Variants in INPP1 observed in about 807,000 individuals in gnomAD.
INPP1 encodes inositol polyphosphate-1-phosphatase.
INPP1 carries 18 observed loss-of-function variants against 23.0 expected under a neutral mutation model. The ratio of observed to expected loss-of-function variants is 0.78; its 90% CI spans 0.54 to 1.16. The LOEUF is 1.16. Among genes scored for constraint, INPP1 ranks in the 50% most tolerant of loss-of-function variants. INPP1 has a pLI of 0.00. For synonymous variants in INPP1, 164 were observed against 176.3 expected (o/e 0.93, Z 0.55); for missense variants, 448 against 482.1 (o/e 0.93, Z 0.66).
chr2:190,356,628 C>A lies in INPP1; in HGVS notation c.-64-3411C>A, dbSNP rs1438853937. ...GAGCTTGTAGCCAGGGTGATTAGCT[C>A]GCCTGAGTGTTATTAGGGTGTTATA... is the stretch of plus-strand genomic sequence containing the variant. On this transcript the variant is annotated intron_variant, in intron 2 of 6. Coordinates refer to ENST00000392329, the MANE Select transcript of INPP1 (RefSeq NM_001128928.2). This position sits in a 1 kb window ranked among gnomAD's most constrained non-coding sequence, Gnocchi z 6.4. The A allele has an allele frequency of 6.6e-6, 1 of 152,010 alleles. No homozygotes were observed. The highest frequency in any genetic ancestry group is 2.4e-5 in the African/African-American group (1 of 41,368). 9.4% of individuals were successfully genotyped at this position (152,010 alleles called of 1,614,324 possible).
rs1247511153 is a variant in INPP1, at chr2:190,356,156, C to T, written c.-64-3883C>T. The stretch of plus-strand genomic sequence containing the variant: ...AACTGAGTTGAGGATACATGGAGAG[C>T]CAGGGCCTTGGAGAAAGGGAAGTAG... On this transcript the variant is annotated intron_variant, in intron 2 of 6. Transcript: ENST00000392329. The surrounding 1 kb of genome is among the most constrained non-coding windows in gnomAD (Gnocchi z 6.4). Among the ~76,000 whole-genome samples, 8 of 152,084 alleles carry T rather than the reference C, an allele frequency of 5.3e-5. No homozygotes were observed. Among genetic ancestry groups the T allele is most frequent in the Non-Finnish European group, 8.8e-5 (6 of 68,034 alleles).
Position 190,370,659 on chromosome 2 carries a change from G to T in INPP1, c.642-185G>T, listed in dbSNP as rs114861998. Reference sequence around the variant, plus strand: ...TCTAATTGCAACAACTCAGGCAGCTGCATGCATATAAGTAACTTTCTGAAA... The same window carrying T: ...TCTAATTGCAACAACTCAGGCAGCTTCATGCATATAAGTAACTTTCTGAAA... On this transcript the variant is annotated intron_variant, in intron 6 of 6. Transcript: ENST00000392329. Among the ~76,000 whole-genome samples the T allele has an allele frequency of 7.0e-3, 1,067 of 152,296 alleles. 15 individuals carry two copies. Among genetic ancestry groups the T allele is most frequent in the African/African-American group, 0.022 (930 of 41,548 alleles).
In INPP1 at chr2:190,354,204, A is replaced by G. The variant is rs1333687559; in HGVS notation, c.-65+5173A>G. Among the ~76,000 whole-genome samples, 1 of 152,204 alleles carries G rather than the reference A, an allele frequency of 6.6e-6. No homozygotes were observed. Among genetic ancestry groups the G allele is most frequent in the East Asian group, 1.9e-4 (1 of 5,202 alleles). ...AAGCGAATAGCTTTTAGTGGGAACG[A>G]CTGCCTCACAGATGTTTCTTATTGA... On this transcript the variant is annotated intron_variant, in intron 2 of 6. Coordinates refer to ENST00000392329, the MANE Select transcript of INPP1 (RefSeq NM_001128928.2). This position sits in a 1 kb window ranked among gnomAD's most constrained non-coding sequence, Gnocchi z 4.8.
chr2:190,357,754 A>G (rs1689444945), intron 2 of INPP1, among the ~76,000 whole-genome samples: 2 of 152,204 alleles, frequency 1.3e-5, no homozygotes, highest in South Asian at 4.1e-4. Flanking sequence ...ATTTTTGTCA[A>G]ATTGCCCTCT....
rs969190392 is a variant in INPP1, at chr2:190,356,463, T to G, written c.-64-3576T>G. The G allele has an allele frequency of 6.6e-6, 1 of 152,018 alleles. No individual in the cohort carries two copies. Among genetic ancestry groups the G allele is most frequent in the African/African-American group, 2.4e-5 (1 of 41,390 alleles). 9.4% of individuals were successfully genotyped at this position (152,018 alleles called of 1,614,324 possible). On this transcript the variant is annotated intron_variant, in intron 2 of 6. Transcript: ENST00000392329. This position sits in a 1 kb window ranked among gnomAD's most constrained non-coding sequence, Gnocchi z 6.4. ...CTAAGCAGCAACTGCTCAGGTCAGG[T>G]GAGAGTGGTCATTATTGAGGAAATA...
Position 190,345,378 on chromosome 2 carries a change from A to G in INPP1, c.-209+1417A>G, listed in dbSNP as rs1229584653. 6.6e-6 allele frequency: 1 copy of G among 152,210 alleles called. No individual in the cohort carries two copies. Among genetic ancestry groups the G allele is most frequent in the Non-Finnish European group, 1.5e-5 (1 of 68,036 alleles). 9.4% of individuals were successfully genotyped at this position (152,210 alleles called of 1,614,324 possible). Reference sequence around the variant, plus strand: ...ATAGTCCTGAAAAAAATGAAAAGATAATTTCTTGTTTGACATAGAAGGCCT... The same window carrying G: ...ATAGTCCTGAAAAAAATGAAAAGATGATTTCTTGTTTGACATAGAAGGCCT... On this transcript the variant is annotated intron_variant, in intron 1 of 6. Transcript: ENST00000392329. The surrounding 1 kb of genome is among the most constrained non-coding windows in gnomAD (Gnocchi z 4.9).
intron 2 of INPP1, among the ~76,000 whole-genome samples, chr2:190,350,189 A>T (rs1689298955): frequency 6.6e-6 from 1 of 152,250 alleles, no homozygotes; most frequent in African/African-American, 2.4e-5. Context: ...CACAATTTTC[A>T]GATGAGTTCT....
Position 190,354,324 on chromosome 2 carries a change from C to A in INPP1, c.-65+5293C>A, listed in dbSNP as rs947658313. Among the ~76,000 whole-genome samples, 2 of 152,148 alleles carry A rather than the reference C, an allele frequency of 1.3e-5. No homozygotes were observed. Among genetic ancestry groups the A allele is most frequent in the Non-Finnish European group, 2.9e-5 (2 of 68,032 alleles). On this transcript the variant is annotated intron_variant, in intron 2 of 6. Transcript: ENST00000392329. This position sits in a 1 kb window ranked among gnomAD's most constrained non-coding sequence, Gnocchi z 4.8. The stretch of plus-strand genomic sequence containing the variant: ...GATTGTGTCAGCTAATAGATTGGGT[C>A]GCTAAGGTAACCACGGCCTGTCTTT...
At chr2:190,347,329 A>G (rs116955445) in intron 1 of INPP1, among the ~76,000 whole-genome samples, 25 of 152,052 alleles carry the variant, frequency 1.6e-4, no homozygotes, top group African/African-American at 5.8e-4. Context: ...GTAGCTTTTT[A>G]AAAAATGACT....
rs778978058 is a variant in INPP1, at chr2:190,366,807, T to C, written c.378T>C (p.His126=). ...VASEALARVV[H]QDVAFTDPTL... is the part of the protein sequence containing the mutation. Reference sequence around the variant, plus strand: ...CTGAAGCATTAGCCAGGGTTGTTCATCAGGATGTTGCCTTTACTGACCCAA... The same window carrying C: ...CTGAAGCATTAGCCAGGGTTGTTCACCAGGATGTTGCCTTTACTGACCCAA... Residue 126 remains histidine, a synonymous_variant, in exon 5 of 7, where the codon CAT becomes CAC. Transcript: ENST00000392329. The C allele has an allele frequency of 6.2e-7, 1 of 1,613,878 alleles. No homozygotes were observed. Among genetic ancestry groups the C allele is most frequent in the East Asian group, 2.2e-5 (1 of 44,890 alleles).
At position 190,345,179 on chromosome 2, in the gene INPP1, C is replaced by T. The variant is rs1409402382; in HGVS notation, c.-209+1218C>T. Among the ~76,000 whole-genome samples, 1 of 152,148 alleles carries T rather than the reference C, an allele frequency of 6.6e-6. No individual in the cohort carries two copies. The highest frequency in any genetic ancestry group is 1.9e-4 in the East Asian group (1 of 5,198). ...ATACTACTTTTGAAGTCAGCTTAGT[C>T]ATGAAGAGAATTATGTCAAATACAT... On this transcript the variant is annotated intron_variant, in intron 1 of 6. Transcript: ENST00000392329. The surrounding 1 kb of genome is among the most constrained non-coding windows in gnomAD (Gnocchi z 4.9).
In INPP1 at chr2:190,349,036, G is replaced by A. The variant is rs1349043688; in HGVS notation, c.-65+5G>A. The A allele has an allele frequency of 6.6e-6, 1 of 152,212 alleles. No individual in the cohort carries two copies. Among genetic ancestry groups the A allele is most frequent in the Non-Finnish European group, 1.5e-5 (1 of 68,048 alleles). 9.4% of individuals were successfully genotyped at this position (152,212 alleles called of 1,614,324 possible). ...GGCCCATCCAGACAATAAACAGTAA[G>A]TGTTAAAGGAGTTGGTGTCTCCAAT... On this transcript the variant is annotated splice_donor_5th_base_variant and intron_variant, in intron 2 of 6. Transcript: ENST00000392329.
chr2:190,347,254 A>G (rs1201129405), intron 1 of INPP1, among the ~76,000 whole-genome samples: 1 of 151,586 alleles, frequency 6.6e-6, no homozygotes, highest in Non-Finnish European at 1.5e-5. Context: ...CTCGTGATCC[A>G]CCCGCCTTGG....
chr2:190,366,416 TCTGTCTCACTCTGTCTCA>T (rs1689673043), intron 4 of INPP1, among the ~76,000 whole-genome samples: 1 of 24,662 alleles, frequency 4.1e-5, no homozygotes, highest in South Asian at 8.2e-4. Context: ...TTGCTCTCAC[TCTGTCTCACTCTGTCTCA>T]CTCTGTCTCA....
At chr2:190,366,635 C>G (rs545449199) in intron 4 of INPP1, 60 bp from the exon 5 acceptor site, 3 of 1,183,256 alleles carry the variant, frequency 2.5e-6, no homozygotes, top group African/African-American at 3.0e-5. Context: ...CTCTCTCTCT[C>G]TGTTCTTTCT....
intron 1 of INPP1, 111 bp from the exon 2 acceptor site, chr2:190,348,777 T>G (rs1689271232): frequency 6.6e-6 from 1 of 152,218 alleles, no homozygotes; most frequent in Non-Finnish European, 1.5e-5. Flanking sequence ...GAAGTAGATA[T>G]AAAAAACAGA....
intron 4 of INPP1, 63 bp downstream of exon 4, chr2:190,362,750 GT>G: frequency 9.2e-7 from 1 of 1,092,022 alleles, no homozygotes; most frequent in Non-Finnish European, 1.4e-6. Flanking sequence ...CTAGTCTCTA[GT>G]TTATACCATG....
Position 190,371,466 on chromosome 2 carries a change from C to T in INPP1, c.*64C>T. On this transcript the variant is annotated 3_prime_UTR_variant, in exon 7 of 7. Coordinates refer to ENST00000392329, the MANE Select transcript of INPP1 (RefSeq NM_001128928.2). The surrounding 1 kb of genome is among the most constrained non-coding windows in gnomAD (Gnocchi z 5.3). The stretch of plus-strand genomic sequence containing the variant: ...GTGAAACTGTTTCGGTTATCTCTGT[C>T]TTTTGAGGATGGCTTTGTCCTGTTG... 1 of 1,304,418 alleles carries T rather than the reference C, an allele frequency of 7.7e-7. No individual in the cohort carries two copies. The highest frequency in any genetic ancestry group is 1.0e-6 in the Non-Finnish European group (1 of 967,808). 80.8% of individuals were successfully genotyped at this position (1,304,418 alleles called of 1,614,324 possible). A position where few individuals can be genotyped will look rare whatever the true frequency, so the allele number is the denominator to read the frequency against.
At position 190,367,698 on chromosome 2, in the gene INPP1, G is replaced by A. The variant is rs1689708484; in HGVS notation, c.466+803G>A. ...TCCCAAGTAGCTGGGACCCAAGTAG[G>A]TGGCAGAGTTGCATGCCACCTCACT... On this transcript the variant is annotated intron_variant, in intron 5 of 6. Coordinates refer to ENST00000392329, the MANE Select transcript of INPP1 (RefSeq NM_001128928.2). The surrounding 1 kb of genome is among the most constrained non-coding windows in gnomAD (Gnocchi z 4.1). 6.6e-6 allele frequency among the ~76,000 whole-genome samples: 1 copy of A among 152,106 alleles called. No homozygotes were observed. The highest frequency in any genetic ancestry group is 1.5e-5 in the Non-Finnish European group (1 of 68,016).
Sources: gnomAD v4.1 joint callset for allele counts (sites outside exome capture counted in the v4.1 genomes callset) on GRCh38, gnomAD v4.1.1 for gene constraint, Gnocchi (gnomAD v3.1) non-coding constraint, MANE v1.5 for transcripts, NCBI Gene and HGNC (gene_info 2026-07-23, HGNC 2026-07-21) for gene names.